DGKH: variants seen among roughly 807,000 people sequenced by gnomAD.
DGKH encodes diacylglycerol kinase eta.
DGKH carries 90 observed loss-of-function variants against 159.3 expected under a neutral mutation model. That is an observed-to-expected ratio of 0.57 (90% CI 0.48 to 0.67). The LOEUF is 0.67. DGKH is among the 30% of genes least tolerant of loss of function. DGKH has a pLI of 0.00. For synonymous variants in DGKH, 536 were observed against 553.8 expected (o/e 0.97, Z 0.45); for missense variants, 1,181 against 1,506.1 (o/e 0.78, Z 3.57).
At chr13:42,070,222 A>G (rs1300441613) in intron 1 of DGKH, 7 of 1,070,446 alleles carry the variant, frequency 6.5e-6, no homozygotes, top group Non-Finnish European at 1.0e-5. Flanking sequence ...CAGGAAATTC[A>G]GTGCTTCGCG....
Position 42,060,789 on chromosome 13 carries a change from A to C in DGKH, c.192+11824A>C, listed in dbSNP as rs1016445030. Reference sequence around the variant, plus strand: ...CTTATTTAATCCTCATAGTAAAACTATGAGGTAGGTAAGTACAATTATTCT... The same window carrying C: ...CTTATTTAATCCTCATAGTAAAACTCTGAGGTAGGTAAGTACAATTATTCT... On this transcript the variant is annotated intron_variant, in intron 1 of 29. Transcript: ENST00000337343. Among the ~76,000 whole-genome samples the C allele has an allele frequency of 5.9e-5, 9 of 152,304 alleles. No individual in the cohort carries two copies. In the East Asian group the frequency reaches 1.7e-3, roughly 29 times the overall value.
chr13:42,062,839 C>G (rs1882281926), intron 1 of DGKH, among the ~76,000 whole-genome samples: 1 of 152,188 alleles, frequency 6.6e-6, no homozygotes, highest in Admixed American at 6.5e-5. Flanking sequence ...TCGGGTTAAA[C>G]CAGGTATCTG....
intron 17 of DGKH, 53 bp from the exon 18 acceptor site, chr13:42,198,425 T>G (rs1957257899): frequency 6.6e-7 from 1 of 1,521,454 alleles, no homozygotes. Context: ...GACTGGTTCT[T>G]TCTGTGTTTT....
intron 26 of DGKH, 21 bp from the exon 27 acceptor site, chr13:42,219,209 T>G (rs1420050338): frequency 6.2e-7 from 1 of 1,613,054 alleles, no homozygotes; most frequent in Non-Finnish European, 8.5e-7. Flanking sequence ...TTGTTTTGTC[T>G]TTTAATCTGC....
rs941624032 is a variant in DGKH at position 42,144,041 on chromosome 13, A to G, written c.385-11250A>G. Among the ~76,000 whole-genome samples, 17 of 152,234 alleles carry G rather than the reference A, an allele frequency of 1.1e-4. 1 individual carries two copies. The highest frequency in any genetic ancestry group is 4.1e-4 in the African/African-American group (17 of 41,468). On this transcript the variant is annotated intron_variant, in intron 3 of 29. Transcript: ENST00000337343. Reference sequence around the variant, plus strand: ...TAATTCCCACTATAAATATCTGGATATTAGCAAAAGAGAGTCTGATACACA... The same window carrying G: ...TAATTCCCACTATAAATATCTGGATGTTAGCAAAAGAGAGTCTGATACACA...
At chr13:42,079,411 T>C (rs776403051) in intron 1 of DGKH, among the ~76,000 whole-genome samples, 11 of 152,102 alleles carry the variant, frequency 7.2e-5, no homozygotes, top group Non-Finnish European at 1.6e-4. Flanking sequence ...ACCCAGATAA[T>C]ATACAGTGTA....
intron 1 of DGKH, among the ~76,000 whole-genome samples, chr13:42,093,060 A>C (rs1233489635): frequency 6.6e-6 from 1 of 152,104 alleles, no homozygotes; most frequent in Non-Finnish European, 1.5e-5. Context: ...CCAGGGCAAC[A>C]TGGTGAAGCC....
upstream of DGKH, among the ~76,000 whole-genome samples, chr13:42,045,194 C>G (rs1200892859): frequency 6.6e-6 from 1 of 152,076 alleles, no homozygotes; most frequent in Non-Finnish European, 1.5e-5. Flanking sequence ...TCCCAGGTAT[C>G]CTGTGACTAC....
chr13:42,107,338 C>G (rs1029752094), intron 1 of DGKH, among the ~76,000 whole-genome samples: 1 of 152,170 alleles, frequency 6.6e-6, no homozygotes, highest in African/African-American at 2.4e-5. Context: ...GACCAGAATG[C>G]CAGGAGCAGA....
In DGKH at chr13:42,166,629, A is replaced by G; in HGVS notation, c.1073A>G (p.Asn358Ser). Reference protein sequence around the residue: ...KFLRRFKQLLNPAQVFDLMNG... With the variant: ...KFLRRFKQLLSPAQVFDLMNG... ...CTCCGTCGCTTTAAACAGTTGCTAA[A>G]TCCGGCTCAGGTGTTTGATTTAATG... Residue 358 changes from asparagine (N) to serine (S), a missense_variant, in exon 9 of 30, where the codon AAT becomes AGT. Physicochemically the swap from Asn to Ser is conservative, Grantham distance 46. Transcript: ENST00000337343. 1.9e-6 allele frequency: 3 copies of G among 1,607,382 alleles called. No individual in the cohort carries two copies. The highest frequency in any genetic ancestry group is 2.2e-5 in the East Asian group (1 of 44,504).
At position 42,209,430 on chromosome 13, in the gene DGKH, C is replaced by T; in HGVS notation, c.2815C>T (p.His939Tyr). The T allele has an allele frequency of 6.2e-7, 1 of 1,612,534 alleles. No homozygotes were observed. Among genetic ancestry groups the T allele is most frequent in the Non-Finnish European group, 8.5e-7 (1 of 1,179,488 alleles). The stretch of plus-strand genomic sequence containing the variant: ...GCCTCCAGGGATTATCAAAATTGTG[C>T]ACAAAAACAGAGCACAAATGCTAAC... ...VQPPGIIKIV[H>Y]KNRAQMLTRD... The change falls in exon 23 of 30, where the codon CAC becomes TAC. Residue 939 changes from histidine (H) to tyrosine (Y), a missense_variant. His to Tyr is a moderately conservative substitution (Grantham distance 83). This residue lies in a region of DGKH where 335 missense variants were observed against 495.2 expected (regional missense o/e 0.68). Coordinates refer to ENST00000337343, the MANE Select transcript of DGKH (RefSeq NM_178009.5).
intron 1 of DGKH, among the ~76,000 whole-genome samples, chr13:42,086,043 G>A (rs920747336): frequency 6.6e-5 from 10 of 151,950 alleles, no homozygotes; most frequent in African/African-American, 2.2e-4. Flanking sequence ...CTCAGCCCTT[G>A]AGTAGATGGG....
chr13:42,103,528 T>C (rs1954690549), intron 1 of DGKH, among the ~76,000 whole-genome samples: 1 of 152,192 alleles, frequency 6.6e-6, no homozygotes, highest in Admixed American at 6.5e-5. Flanking sequence ...GCATGAGTGC[T>C]ATCCTTAGCA....
At chr13:42,095,187 G>C (rs1322767127) in intron 1 of DGKH, among the ~76,000 whole-genome samples, 1 of 76,836 alleles carries the variant, frequency 1.3e-5, no homozygotes, top group Non-Finnish European at 2.5e-5. Flanking sequence ...TTTTGAGACA[G>C]AGTCTCCCTC....
intron 11 of DGKH, among the ~76,000 whole-genome samples, chr13:42,173,006 C>G (rs891131239): frequency 5.6e-5 from 8 of 143,634 alleles, no homozygotes; most frequent in African/African-American, 1.0e-4. Flanking sequence ...GGGTCTGGCT[C>G]TGTCGCCCAG....
downstream of DGKH, among the ~76,000 whole-genome samples, chr13:42,247,424 T>A (rs1410635520): frequency 6.6e-6 from 1 of 151,958 alleles, no homozygotes; most frequent in Non-Finnish European, 1.5e-5. Flanking sequence ...AGAGACGGGG[T>A]TTCACCATGT....
At chr13:42,196,085 T>G (rs374867709) in intron 17 of DGKH, 3 of 152,118 alleles carry the variant, frequency 2.0e-5, no homozygotes, top group South Asian at 2.1e-4. Context: ...GAATGCAAAT[T>G]AAAACCATAA....
intron 1 of DGKH, among the ~76,000 whole-genome samples, chr13:42,050,656 A>T (rs1365905206): frequency 6.6e-6 from 1 of 152,026 alleles, no homozygotes; most frequent in Non-Finnish European, 1.5e-5. Context: ...AAAAGTTCAT[A>T]AACTGTGTTA....
At chr13:42,063,553 G>A (rs957595157) in intron 1 of DGKH, among the ~76,000 whole-genome samples, 7 of 152,304 alleles carry the variant, frequency 4.6e-5, no homozygotes, top group Non-Finnish European at 8.8e-5. Flanking sequence ...CCCTTTAAAC[G>A]AGAGGAGGGA....
Sources: gnomAD v4.1 joint callset for allele counts (sites outside exome capture counted in the v4.1 genomes callset) on GRCh38, gnomAD v4.1.1 for gene constraint, gnomAD v4.1.1 regional missense constraint, MANE v1.5 for transcripts, NCBI Gene and HGNC (gene_info 2026-07-23, HGNC 2026-07-21) for gene names.